Variants in GABRB1 observed in about 807,000 individuals in gnomAD.
GABRB1 encodes gamma-aminobutyric acid type A receptor subunit beta1, also known as gamma-aminobutyric acid receptor subunit beta-1.
A neutral mutation model predicts 51.6 loss-of-function variants in GABRB1; 17 were observed. The ratio of observed to expected loss-of-function variants is 0.33; its 90% CI spans 0.23 to 0.49. GABRB1 has a LOEUF of 0.49. Ranked by LOEUF, GABRB1 falls within the 20% of genes least tolerant of loss-of-function variation. GABRB1 has a pLI of 0.99. For synonymous variants in GABRB1, 247 were observed against 218.9 expected, an observed-to-expected ratio of 1.13 and a Z score of -1.14; for missense variants, 410 against 600.6, an observed-to-expected ratio of 0.68 and a Z score of 3.32.
intron 4 of GABRB1, among the ~76,000 whole-genome samples, chr4:47,252,986 T>A (rs1461067607): frequency 6.6e-6 from 1 of 152,194 alleles, no homozygotes; most frequent in Non-Finnish European, 1.5e-5. Flanking sequence ...TCTAAGCACT[T>A]TATATACATT....
chr4:47,108,003 A>G (rs552202633), intron 3 of GABRB1, among the ~76,000 whole-genome samples: 50 of 152,174 alleles, frequency 3.3e-4, no homozygotes, highest in Admixed American at 9.8e-4. Flanking sequence ...ATTATTAGGG[A>G]ACCAGTAATT....
At chr4:47,042,289 C>A (rs1011305446) in intron 3 of GABRB1, among the ~76,000 whole-genome samples, 47 of 150,290 alleles carry the variant, frequency 3.1e-4, no homozygotes, top group Non-Finnish European at 2.4e-4. Flanking sequence ...GACCATGAAT[C>A]ATGAGCTGTT....
At chr4:47,399,084 C>G (rs1296293711) in intron 5 of GABRB1, among the ~76,000 whole-genome samples, 1 of 152,248 alleles carries the variant, frequency 6.6e-6, no homozygotes, top group Non-Finnish European at 1.5e-5. Flanking sequence ...GCCACGGCAC[C>G]TGGCCCTTTC....
At chr4:47,113,006 G>T (rs934689244) in intron 3 of GABRB1, among the ~76,000 whole-genome samples, 2 of 152,008 alleles carry the variant, frequency 1.3e-5, no homozygotes, top group Admixed American at 6.6e-5. Context: ...TTCTGTATTA[G>T]GCTTGAAATG....
At chr4:47,191,072 T>A (rs750771279) in intron 4 of GABRB1, among the ~76,000 whole-genome samples, 1 of 152,166 alleles carries the variant, frequency 6.6e-6, no homozygotes, top group Non-Finnish European at 1.5e-5. Flanking sequence ...TTCTTTCTCT[T>A]GCCTGGAAAG....
intron 4 of GABRB1, among the ~76,000 whole-genome samples, chr4:47,298,871 G>C (rs1460585231): frequency 1.3e-5 from 2 of 151,870 alleles, no homozygotes; most frequent in Non-Finnish European, 2.9e-5. Context: ...AAACAGCATG[G>C]TACTGGTACC....
At chr4:47,406,994 C>T in intron 8 of GABRB1, 68 bp downstream of exon 8, 1 of 1,446,432 alleles carries the variant, frequency 6.9e-7, no homozygotes, top group South Asian at 1.3e-5. Flanking sequence ...CTCGGGCTCT[C>T]ATAACTTAAA....
At chr4:47,344,671 C>T (rs185111200) in intron 5 of GABRB1, among the ~76,000 whole-genome samples, 89 of 152,158 alleles carry the variant, frequency 5.8e-4, no homozygotes, top group Non-Finnish European at 5.9e-5. Context: ...GTGTCTCCAA[C>T]CAATCTGTTA....
intron 3 of GABRB1, among the ~76,000 whole-genome samples, chr4:47,098,459 C>A (rs1714566603): frequency 6.6e-6 from 1 of 151,928 alleles, no homozygotes; most frequent in Non-Finnish European, 1.5e-5. Flanking sequence ...TTTTTTTCCC[C>A]CCAATTAGGG....
At chr4:47,181,591 C>G (rs1718951188) in intron 4 of GABRB1, among the ~76,000 whole-genome samples, 1 of 151,952 alleles carries the variant, frequency 6.6e-6, no homozygotes, top group Non-Finnish European at 1.5e-5. Context: ...CTTTTCTCAT[C>G]CATAAGAGGG....
At chr4:47,063,782 G>A (rs1312252234) in intron 3 of GABRB1, among the ~76,000 whole-genome samples, 1 of 152,108 alleles carries the variant, frequency 6.6e-6, no homozygotes, top group Non-Finnish European at 1.5e-5. Flanking sequence ...AACTAACACG[G>A]GAACAGAAAA....
At chr4:47,341,841 C>A (rs931676563) in intron 5 of GABRB1, among the ~76,000 whole-genome samples, 18 of 152,180 alleles carry the variant, frequency 1.2e-4, no homozygotes, top group Non-Finnish European at 2.1e-4. Context: ...TGGTCACATT[C>A]ATATCTATGA....
intron 5 of GABRB1, among the ~76,000 whole-genome samples, chr4:47,380,029 A>G (rs894287752): frequency 6.6e-6 from 1 of 152,186 alleles, no homozygotes; most frequent in East Asian, 1.9e-4. Context: ...AATGGCAACT[A>G]TAATTATGAT....
chr4:47,112,930 T>C lies in GABRB1; in HGVS notation c.241-48319T>C, dbSNP rs147842252. 1.2e-3 allele frequency among the ~76,000 whole-genome samples: 186 copies of C among 152,318 alleles called. 1 individual carries two copies. In the East Asian group the frequency reaches 0.02, roughly 16 times the overall value. ...TCTCTAAATCTATATTTCCTTTATC[T>C]CTTTATTGCCTTTCTTTAGCCATTC... On this transcript the variant is annotated intron_variant, in intron 3 of 8. Transcript: ENST00000295454.
chr4:47,086,347 C>T (rs934722556), intron 3 of GABRB1, among the ~76,000 whole-genome samples: 1 of 152,040 alleles, frequency 6.6e-6, no homozygotes, highest in South Asian at 2.1e-4. Flanking sequence ...TATTTTCCTT[C>T]AAGATAATAA....
At chr4:47,204,523 G>C (rs568285937) in intron 4 of GABRB1, among the ~76,000 whole-genome samples, 80 of 152,154 alleles carry the variant, frequency 5.3e-4, no homozygotes, top group African/African-American at 1.8e-3. Flanking sequence ...AAACATACTT[G>C]ATATGATTTG....
chr4:47,215,133 C>T lies in GABRB1; in HGVS notation c.461+53664C>T, dbSNP rs1324164838. ...TAAGGATCCCTAAAAGGAAGGGGGACACTGTTATTGACTCTTCTTCATGGC... is the reference window on the plus strand; with the variant it reads ...TAAGGATCCCTAAAAGGAAGGGGGATACTGTTATTGACTCTTCTTCATGGC... On this transcript the variant is annotated intron_variant, in intron 4 of 8. Transcript: ENST00000295454. Among the ~76,000 whole-genome samples, 2 of 152,032 alleles carry T rather than the reference C, an allele frequency of 1.3e-5. 1 individual carries two copies. The highest frequency in any genetic ancestry group is 2.9e-5 in the Non-Finnish European group (2 of 67,994).
At chr4:47,366,314 G>T (rs990002687) in intron 5 of GABRB1, among the ~76,000 whole-genome samples, 1 of 152,176 alleles carries the variant, frequency 6.6e-6, no homozygotes, top group African/African-American at 2.4e-5. Context: ...TCTCACTCAG[G>T]TAGCAGAGTG....
chr4:47,234,474 C>A (rs546859201), intron 4 of GABRB1, among the ~76,000 whole-genome samples: 13 of 145,910 alleles, frequency 8.9e-5, no homozygotes, highest in Middle Eastern at 3.4e-3. Flanking sequence ...GCAACAAGAG[C>A]AAAACTCCGT....
Sources: allele counts gnomAD v4.1 joint callset (sites outside exome capture counted in the v4.1 genomes callset), GRCh38; gene constraint gnomAD v4.1.1; transcripts MANE v1.5; gene names NCBI Gene and HGNC (gene_info 2026-07-23, HGNC 2026-07-21).